Variants in KIAA2012 observed in about 807,000 individuals in gnomAD.
KIAA2012 encodes uncharacterized protein KIAA2012.
KIAA2012 carries 125 observed loss-of-function variants against 150.6 expected under a neutral mutation model. That is an observed-to-expected ratio of 0.83 (90% CI 0.72 to 0.96). The LOEUF (loss-of-function observed/expected upper bound fraction) is 0.96, where lower values mean the gene tolerates loss of function less well. KIAA2012 is among the 40% of genes least tolerant of loss of function. KIAA2012 has a pLI of 0.00. For missense variants in KIAA2012, 1,219 were observed against 1,354.9 expected (o/e 0.90, Z 1.57); for synonymous variants, 462 against 504.7 (o/e 0.92, Z 1.13).
intron 14 of KIAA2012, among the ~76,000 whole-genome samples, chr2:202,156,195 A>T (rs1420503222): frequency 6.6e-6 from 1 of 151,988 alleles, no homozygotes; most frequent in Non-Finnish European, 1.5e-5. Flanking sequence ...ACATAGTGAG[A>T]CCCCATCTCT....
intron 2 of KIAA2012, among the ~76,000 whole-genome samples, chr2:202,079,530 A>G (rs1169882302): frequency 6.6e-6 from 1 of 151,958 alleles, no homozygotes; most frequent in Non-Finnish European, 1.5e-5. Context: ...AACACCTCCA[A>G]CTCCCTGGAT....
chr2:202,098,321 C>T lies in KIAA2012; in HGVS notation c.828+744C>T, dbSNP rs1689946899. Reference sequence around the variant, plus strand: ...GTTGTAGTAAGCCAAGATCGCACCACTGCACTCCAGCCTGGGCAACAGAGT... The same window carrying T: ...GTTGTAGTAAGCCAAGATCGCACCATTGCACTCCAGCCTGGGCAACAGAGT... On this transcript the variant is annotated intron_variant, in intron 5 of 23. Transcript: ENST00000498697. Among the ~76,000 whole-genome samples, 8 of 152,222 alleles carry T rather than the reference C, an allele frequency of 5.3e-5. No homozygotes were observed. In the South Asian group the frequency reaches 1.4e-3, roughly 28 times the overall value.
intron 15 of KIAA2012, chr2:202,179,507 A>T: frequency 1.4e-6 from 1 of 703,198 alleles, no homozygotes. Flanking sequence ...TACCAAGCAC[A>T]TAGGTTTGGT....
intron 22 of KIAA2012, among the ~76,000 whole-genome samples, chr2:202,199,886 C>G (rs1692481735): frequency 7.1e-6 from 1 of 140,364 alleles, no homozygotes; most frequent in African/African-American, 2.7e-5. Flanking sequence ...ATCAATCAGG[C>G]TTTTGAAATG....
At chr2:202,195,370 T>G (rs1346495071) in intron 21 of KIAA2012, among the ~76,000 whole-genome samples, 1 of 151,734 alleles carries the variant, frequency 6.6e-6, no homozygotes, top group Admixed American at 6.6e-5. Context: ...ATACAAAAAT[T>G]AGCTGGGTGT....
intron 7 of KIAA2012, among the ~76,000 whole-genome samples, chr2:202,102,450 T>C (rs1690070761): frequency 6.6e-6 from 1 of 152,234 alleles, no homozygotes; most frequent in South Asian, 2.1e-4. Context: ...AGGTAAGTAG[T>C]ATGATTACTC....
At chr2:202,187,906 C>T (rs1335801258) in intron 17 of KIAA2012, among the ~76,000 whole-genome samples, 1 of 152,170 alleles carries the variant, frequency 6.6e-6, no homozygotes, top group African/African-American at 2.4e-5. Context: ...AGGAGGCAGA[C>T]CATAAGTGTT....
intron 15 of KIAA2012, among the ~76,000 whole-genome samples, chr2:202,167,830 C>A (rs1274619144): frequency 6.6e-6 from 1 of 151,866 alleles, no homozygotes; most frequent in African/African-American, 2.4e-5. Context: ...GATGACAGAG[C>A]AAGACCCTGT....
chr2:202,174,711 C>A (rs1044403821), intron 15 of KIAA2012, among the ~76,000 whole-genome samples: 1 of 152,208 alleles, frequency 6.6e-6, no homozygotes, highest in African/African-American at 2.4e-5. Flanking sequence ...CTTTCTCTCT[C>A]CCATGTTATT....
rs779217279 is a variant in KIAA2012, at chr2:202,110,138, A to G, written c.1651+349A>G. Among the ~76,000 whole-genome samples the G allele has an allele frequency of 1.4e-3, 209 of 152,248 alleles. 1 individual carries two copies. Among genetic ancestry groups the G allele is most frequent in the Non-Finnish European group, 4.7e-4 (32 of 68,026 alleles). ...ACTGAGCCATAACCCTTGCCCCCTG[A>G]GGCAAGAGAGCCCGATGAGCCTGCC... On this transcript the variant is annotated intron_variant, in intron 10 of 23. Coordinates refer to ENST00000498697, the MANE Select transcript of KIAA2012 (RefSeq NM_001277372.4).
intron 2 of KIAA2012, among the ~76,000 whole-genome samples, chr2:202,082,872 A>G (rs1363653295): frequency 6.7e-6 from 1 of 149,042 alleles, no homozygotes; most frequent in Non-Finnish European, 1.5e-5. Flanking sequence ...TTTTGCATGT[A>G]AAGTATGTAC....
intron 15 of KIAA2012, among the ~76,000 whole-genome samples, chr2:202,166,573 G>T (rs1219153562): frequency 6.6e-6 from 1 of 151,266 alleles, no homozygotes; most frequent in Non-Finnish European, 1.5e-5. Flanking sequence ...GATCATTGGA[G>T]CCCAGGAGTT....
At chr2:202,130,929 T>A (rs1690914671) in intron 12 of KIAA2012, among the ~76,000 whole-genome samples, 4 of 151,578 alleles carry the variant, frequency 2.6e-5, no homozygotes, top group African/African-American at 9.7e-5. Context: ...AATAAATAAA[T>A]AAATAAATAA....
intron 11 of KIAA2012, among the ~76,000 whole-genome samples, chr2:202,117,799 G>A (rs1005697719): frequency 3.3e-5 from 5 of 152,186 alleles, no homozygotes; most frequent in Admixed American, 6.5e-5. Context: ...ATCCCTTACC[G>A]CAGGACTTCC....
chr2:202,136,125 G>T (rs989104085), intron 12 of KIAA2012: 1 of 315,206 alleles, frequency 3.2e-6, no homozygotes, highest in East Asian at 9.9e-5. Flanking sequence ...CTTAAAGGTG[G>T]TGTGTCCAGA....
chr2:202,107,391 T>C (rs1296272378), intron 9 of KIAA2012, among the ~76,000 whole-genome samples: 1 of 152,184 alleles, frequency 6.6e-6, no homozygotes, highest in Non-Finnish European at 1.5e-5. Context: ...CTAAAGACTT[T>C]AATGTTTCCT....
At chr2:202,125,935 CTTTTTTTTTTTTTTTTTTTT>C (rs571686717) in intron 12 of KIAA2012, 21 of 137,798 alleles carry the variant, frequency 1.5e-4, no homozygotes, top group Non-Finnish European at 1.8e-4. Context: ...TTCCTGGCTG[CTTTTTTTTTTTTTTTTTTTT>C]TTTTTTTTTT....
intron 18 of KIAA2012, among the ~76,000 whole-genome samples, chr2:202,189,139 C>A (rs975438838): frequency 2.0e-5 from 3 of 152,116 alleles, no homozygotes; most frequent in Non-Finnish European, 4.4e-5. Flanking sequence ...AAAGGTGAAG[C>A]GAAGGAAGGG....
intron 5 of KIAA2012, among the ~76,000 whole-genome samples, chr2:202,099,006 G>C (rs1689974181): frequency 6.6e-6 from 1 of 151,756 alleles, no homozygotes; most frequent in Non-Finnish European, 1.5e-5. Flanking sequence ...TGGTGGGGGA[G>C]GGACACGATC....
Sources: allele counts gnomAD v4.1 joint callset (sites outside exome capture counted in the v4.1 genomes callset), GRCh38; gene constraint gnomAD v4.1.1; transcripts MANE v1.5; gene names NCBI Gene and HGNC (gene_info 2026-07-23, HGNC 2026-07-21).